The following SERINC3 variants were observed in gnomAD, a reference collection of about 807,000 sequenced individuals.
SERINC3 encodes the protein serine incorporator 3, also known as tumor differentially expressed protein 1.
Under a neutral mutation model 52.1 loss-of-function variants are expected in SERINC3, and 22 were observed. The ratio of observed to expected loss-of-function variants is 0.42; its 90% CI spans 0.30 to 0.60. SERINC3 has a LOEUF of 0.60. Among genes scored for constraint, SERINC3 ranks in the 20% least tolerant of loss-of-function variants. SERINC3 has a pLI of 0.16. For synonymous variants in SERINC3, 226 were observed against 212.7 expected (o/e 1.06, Z -0.54); for missense variants, 564 against 584.6 (o/e 0.96, Z 0.36).
chr20:44,503,469 G>A lies in SERINC3; in HGVS notation c.1055+346C>T, dbSNP rs1226738485. Among the ~76,000 whole-genome samples, 3 of 152,298 alleles carry A rather than the reference G, an allele frequency of 2.0e-5. No homozygotes were observed. In the South Asian group the frequency reaches 6.2e-4, roughly 32 times the overall value. On this transcript the variant is annotated intron_variant, in intron 8 of 9. Coordinates refer to ENST00000342374, the MANE Select transcript of SERINC3 (RefSeq NM_006811.4). ...TCGAGACCAGCCTAGCCAACATGGTGAAACACTGTCTCTACTAAAAATACA... is the reference window on the plus strand; with the variant it reads ...TCGAGACCAGCCTAGCCAACATGGTAAAACACTGTCTCTACTAAAAATACA...
Position 44,514,047 on chromosome 20 carries a change from T to C in SERINC3, c.40-7A>G, listed in dbSNP as rs184460771. 759 of 1,613,588 alleles carry C rather than the reference T, an allele frequency of 4.7e-4. 5 individuals carry two copies. The African/African-American group carries it at 6.6e-3, about 14-fold the overall frequency. ...CGCTGCAGAGGCATGGAACCTGGAATGAGCACACCATGGTCACCTGAGACC... is the reference window on the plus strand; with the variant it reads ...CGCTGCAGAGGCATGGAACCTGGAACGAGCACACCATGGTCACCTGAGACC... On this transcript the variant is annotated splice_polypyrimidine_tract_variant and splice_region_variant and intron_variant, in intron 1 of 9. Coordinates refer to ENST00000342374, the MANE Select transcript of SERINC3 (RefSeq NM_006811.4).
In SERINC3 at chr20:44,513,860, G is replaced by A. The variant is rs1400475074; in HGVS notation, c.201+19C>T. On this transcript the variant is annotated intron_variant, in intron 2 of 9. Transcript: ENST00000342374. ...AAAATAAAAATAACCAATACCTTAA[G>A]GGCACTGTTACTTCTTACCTTCTTC... The A allele has an allele frequency of 3.8e-6, 6 of 1,563,774 alleles. No homozygotes were observed. The highest frequency in any genetic ancestry group is 5.2e-6 in the Non-Finnish European group (6 of 1,152,668).
At chr20:44,500,539 G>C (rs2064273162) in intron 9 of SERINC3, 105 bp from the exon 10 acceptor site, 2 of 1,297,828 alleles carry the variant, frequency 1.5e-6, no homozygotes, top group Non-Finnish European at 2.2e-6. Flanking sequence ...AGTGAAACTT[G>C]GCTGGCACTA....
At chr20:44,506,391 G>C (rs866216489) in intron 6 of SERINC3, among the ~76,000 whole-genome samples, 1 of 151,018 alleles carries the variant, frequency 6.6e-6, no homozygotes, top group African/African-American at 2.4e-5. Context: ...CAAGAGTTCA[G>C]CCTGGCCAAG....
At chr20:44,496,663 G>A (rs765665966), downstream of SERINC3, among the ~76,000 whole-genome samples, 2 of 152,008 alleles carry the variant, frequency 1.3e-5, no homozygotes, top group South Asian at 2.1e-4. Context: ...GTGTGGTGGC[G>A]CGCACCTATA....
chr20:44,519,307 C>T, intron 1 of SERINC3: 1 of 312,708 alleles, frequency 3.2e-6, no homozygotes, highest in Non-Finnish European at 4.6e-6. Flanking sequence ...CGCGGTGGCT[C>T]ACACCTGTAA....
intron 1 of SERINC3, among the ~76,000 whole-genome samples, chr20:44,517,660 A>G (rs2064388707): frequency 6.6e-6 from 1 of 151,972 alleles, no homozygotes; most frequent in Non-Finnish European, 1.5e-5. Context: ...AACCCTGCTG[A>G]CACCTTCATC....
chr20:44,500,738 T>C (rs1233512721), intron 9 of SERINC3, among the ~76,000 whole-genome samples: 1 of 152,230 alleles, frequency 6.6e-6, no homozygotes, highest in East Asian at 1.9e-4. Flanking sequence ...ATAGCCTCCC[T>C]GAAACTTTCC....
intron 6 of SERINC3, among the ~76,000 whole-genome samples, chr20:44,505,704 T>C (rs1001029847): frequency 5.3e-5 from 8 of 152,138 alleles, no homozygotes; most frequent in African/African-American, 1.9e-4. Context: ...GTTCAGGCTA[T>C]TCTCCTGCCC....
At chr20:44,517,232 G>A (rs192634111) in intron 1 of SERINC3, among the ~76,000 whole-genome samples, 4 of 152,240 alleles carry the variant, frequency 2.6e-5, no homozygotes, top group Admixed American at 1.3e-4. Flanking sequence ...TCAATATATC[G>A]TGGTAGCCAT....
intron 4 of SERINC3, among the ~76,000 whole-genome samples, chr20:44,510,810 AAT>A (rs561439114): frequency 1.6e-4 from 24 of 149,226 alleles, no homozygotes; most frequent in South Asian, 6.3e-4. Flanking sequence ...GACTGTCTAA[AAT>A]ATATATATAT....
chr20:44,506,780 A>G (rs758581202), intron 6 of SERINC3, 47 bp downstream of exon 6: 1 of 1,312,258 alleles, frequency 7.6e-7, no homozygotes, highest in Non-Finnish European at 1.0e-6. Context: ...TTTTAAGCTT[A>G]GAATTAAAAA....
chr20:44,508,495 T>C (rs1285004322), intron 5 of SERINC3, among the ~76,000 whole-genome samples: 1 of 143,758 alleles, frequency 7.0e-6, no homozygotes, highest in Non-Finnish European at 1.5e-5. Context: ...AGACCCAATC[T>C]CAAAAAAAAA....
chr20:44,514,060 G>A lies in SERINC3; in HGVS notation c.40-20C>T, dbSNP rs770277151. The A allele has an allele frequency of 8.7e-6, 14 of 1,612,276 alleles. No individual in the cohort carries two copies. Among genetic ancestry groups the A allele is most frequent in the South Asian group, 5.5e-5 (5 of 90,860 alleles). On this transcript the variant is annotated intron_variant, in intron 1 of 9. Transcript: ENST00000342374. ...TGGAACCTGGAATGAGCACACCATG[G>A]TCACCTGAGACCGCCTTCAGTATAC...
At chr20:44,507,808 G>T (rs2064324067) in intron 5 of SERINC3, among the ~76,000 whole-genome samples, 1 of 152,220 alleles carries the variant, frequency 6.6e-6, no homozygotes, top group African/African-American at 2.4e-5. Flanking sequence ...CATAGAGGTT[G>T]CAGTGAGCCG....
chr20:44,496,277 ATTC>A (rs1302435105), downstream of SERINC3: 3 of 152,334 alleles, frequency 2.0e-5, no homozygotes, highest in Non-Finnish European at 4.4e-5. Flanking sequence ...GGTTTCTATT[ATTC>A]TTCTTCACCT....
downstream of SERINC3, among the ~76,000 whole-genome samples, chr20:44,496,622 C>T (rs1407182832): frequency 6.6e-6 from 1 of 152,120 alleles, no homozygotes; most frequent in Non-Finnish European, 1.5e-5. Flanking sequence ...GGTGAAATCC[C>T]ATCTCTACTA....
intron 1 of SERINC3, among the ~76,000 whole-genome samples, chr20:44,517,831 G>C (rs6031641): frequency 6.6e-6 from 1 of 152,098 alleles, no homozygotes; most frequent in South Asian, 2.1e-4. Context: ...TCTTTACAAC[G>C]TTATATCTTT....
At position 44,500,377 on chromosome 20, in the gene SERINC3, G is replaced by A; in HGVS notation, c.1341C>T (p.Ile447=). The change falls in exon 10 of 10, where the codon ATC becomes ATT. Residue 447 remains isoleucine (I), a synonymous_variant. Coordinates refer to ENST00000342374, the MANE Select transcript of SERINC3 (RefSeq NM_006811.4). ...TSKWPAVWVK[I]SSSWVCLLLY... is the part of the protein sequence containing the mutation. ...GCAGGAGGCAGACCCAGCTGGAGCTGATCTTGACCCACACAGCTGGCCACT... is the reference window on the plus strand; with the variant it reads ...GCAGGAGGCAGACCCAGCTGGAGCTAATCTTGACCCACACAGCTGGCCACT... 1 of 1,599,328 alleles carries A rather than the reference G, an allele frequency of 6.3e-7. No individual in the cohort carries two copies. The highest frequency in any genetic ancestry group is 8.5e-7 in the Non-Finnish European group (1 of 1,172,714).
Sources: allele counts gnomAD v4.1 joint callset (sites outside exome capture counted in the v4.1 genomes callset), GRCh38; gene constraint gnomAD v4.1.1; transcripts MANE v1.5; gene names NCBI Gene and HGNC (gene_info 2026-07-23, HGNC 2026-07-21).